The following URAD variants were observed in gnomAD, a reference collection of about 807,000 sequenced individuals.
URAD encodes the protein putative 2-oxo-4-hydroxy-4-carboxy-5-ureidoimidazoline decarboxylase.
In URAD, 4 loss-of-function variants were observed where a neutral mutation model predicts 4.6. The observed-to-expected ratio is 0.87, with a 90% confidence interval of 0.43 to 1.98. The LOEUF (loss-of-function observed/expected upper bound fraction) is 1.98. Among genes scored for constraint, URAD ranks in the 30% most tolerant of loss-of-function variants. The pLI is 0.03. For missense variants in URAD, 300 were observed against 255.3 expected, an observed-to-expected ratio of 1.18 and a Z score of -1.19; for synonymous variants, 144 against 118.2, an observed-to-expected ratio of 1.22 and a Z score of -1.41.
rs376297191 is a variant in URAD, at chr13:27,988,483, A to G, written c.155T>C (p.Ile52Thr). The G allele has an allele frequency of 2.9e-5, 46 of 1,612,212 alleles. No homozygotes were observed. The highest frequency in any genetic ancestry group is 2.0e-4 in the African/African-American group (15 of 74,876). ...EDLEKHFFAF[I>T]DALAQSGQEG... ...CTTACCTGACTGTGCAAGGGCATCA[A>G]TAAAGGCAAAAAAGTGCTTCTCTAA... The change falls in exon 1 of 2, where the codon ATT becomes ACT. Residue 52 changes from isoleucine (I) to threonine (T), a missense_variant. Transcript: ENST00000332715.
chr13:27,980,335 GA>G (rs1182770418), intron 1 of URAD, among the ~76,000 whole-genome samples: 1 of 152,196 alleles, frequency 6.6e-6, no homozygotes, highest in Non-Finnish European at 1.5e-5. Context: ...AGGGTAGTGC[GA>G]AAATGTGAGA....
rs775730546 is a variant in URAD, at chr13:27,978,261, C to G, written c.367G>C (p.Ala123Pro). The G allele has an allele frequency of 8.3e-6, 12 of 1,438,088 alleles. No individual in the cohort carries two copies. In the African/African-American group the frequency reaches 1.6e-4, roughly 20 times the overall value. The allele number at this position is 1,438,088 out of a possible 1,614,324, so 89.1% of individuals were successfully genotyped here. A position where few individuals can be genotyped will look rare whatever the true frequency, so the allele number is the denominator to read the frequency against. The change falls in exon 2 of 2, where the codon GCG becomes CCG. Residue 123 changes from alanine to proline, a missense_variant. Coordinates refer to ENST00000332715, the MANE Select transcript of URAD (RefSeq NM_001105577.2). Reference protein sequence around the residue: ...ARFGFPFVLAARFSDRTAVPR... With the variant: ...ARFGFPFVLAPRFSDRTAVPR... The stretch of plus-strand genomic sequence containing the variant: ...ACCGCCGTCCGGTCGCTGAAGCGCG[C>G]GGCGAGCACGAAGGGGAAACCGAAG...
chr13:27,983,989 G>A (rs1287575998), intron 1 of URAD, among the ~76,000 whole-genome samples: 1 of 152,136 alleles, frequency 6.6e-6, no homozygotes, highest in Non-Finnish European at 1.5e-5. Context: ...CAAAAATGTT[G>A]TTTAGTAAGC....
At chr13:27,988,260 T>C (rs1870094320) in intron 1 of URAD, among the ~76,000 whole-genome samples, 1 of 151,802 alleles carries the variant, frequency 6.6e-6, no homozygotes. Context: ...ACGCCCGGCC[T>C]AAAAGCAATT....
In URAD at chr13:27,977,771, A is replaced by T. The variant is rs1869752237; in HGVS notation, c.*335T>A. On this transcript the variant is annotated 3_prime_UTR_variant, in exon 2 of 2. Coordinates refer to ENST00000332715, the MANE Select transcript of URAD (RefSeq NM_001105577.2). ...TTTTGCTTTGCAGTTCGGGCTTAGC[A>T]GGAGAGGGTTGGGGAGAACTGGATA... 1 of 318,562 alleles carries T rather than the reference A, an allele frequency of 3.1e-6. No individual in the cohort carries two copies. The highest frequency in any genetic ancestry group is 5.2e-5 in the East Asian group (1 of 19,140). 19.7% of individuals were successfully genotyped at this position (318,562 alleles called of 1,614,324 possible).
chr13:27,977,740 CG>C lies in URAD; in HGVS notation c.*365del. The stretch of plus-strand genomic sequence containing the variant: ...GCTGTGGCATAAAAGATTCCTTTTC[CG>C]TCCGTTTTGCTTTGCAGTTCGGGCT... On this transcript the variant is annotated 3_prime_UTR_variant, in exon 2 of 2. Coordinates refer to ENST00000332715, the MANE Select transcript of URAD (RefSeq NM_001105577.2). 3.9e-6 allele frequency: 1 copy of C among 257,398 alleles called. No individual in the cohort carries two copies. Among genetic ancestry groups the C allele is most frequent in the East Asian group, 7.4e-5 (1 of 13,554 alleles). 15.9% of individuals were successfully genotyped at this position (257,398 alleles called of 1,614,324 possible). A position where few individuals can be genotyped will look rare whatever the true frequency, so the allele number is the denominator to read the frequency against.
intron 1 of URAD, 92 bp from the exon 2 acceptor site, chr13:27,978,544 C>A (rs1869787337): frequency 1.0e-6 from 1 of 975,260 alleles, no homozygotes; most frequent in Non-Finnish European, 1.3e-6. Context: ...CGCCCGGCCC[C>A]CCTGCCCCGC....
chr13:27,978,322 C>G lies in URAD; in HGVS notation c.306G>C (p.Leu102=), dbSNP rs2137553548. ...GLRSLGADER[L]RLAELNAQYR... ...ACTGCGCGTTGAGCTCGGCCAGCCG[C>G]AGCCGCTCGTCCGCGCCCAGGCTCC... The change falls in exon 2 of 2, where the codon CTG becomes CTC. Residue 102 remains leucine, a synonymous_variant. Coordinates refer to ENST00000332715, the MANE Select transcript of URAD (RefSeq NM_001105577.2). The G allele has an allele frequency of 7.2e-7, 1 of 1,395,086 alleles. No individual in the cohort carries two copies. Among genetic ancestry groups the G allele is most frequent in the Non-Finnish European group, 9.2e-7 (1 of 1,082,476 alleles). 86.4% of individuals were successfully genotyped at this position (1,395,086 alleles called of 1,614,324 possible).
At chr13:27,981,582 G>A (rs1869878659) in intron 1 of URAD, among the ~76,000 whole-genome samples, 1 of 152,116 alleles carries the variant, frequency 6.6e-6, no homozygotes, top group South Asian at 2.1e-4. Context: ...ATTGTTCTAT[G>A]GGAGAGGAAC....
intron 1 of URAD, among the ~76,000 whole-genome samples, chr13:27,983,226 CT>C (rs974359895): frequency 9.9e-5 from 15 of 151,256 alleles, no homozygotes; most frequent in African/African-American, 3.1e-4. Flanking sequence ...GGTTCCTTTG[CT>C]TTTTTTTTGT....
At chr13:27,981,152 A>C (rs1022108935) in intron 1 of URAD, among the ~76,000 whole-genome samples, 3 of 151,898 alleles carry the variant, frequency 2.0e-5, no homozygotes, top group Non-Finnish European at 4.4e-5. Flanking sequence ...CAGATATCCA[A>C]TCTTCATTGC....
rs1321183411 is a variant in URAD at position 27,978,376 on chromosome 13, C to A, written c.252G>T (p.Ser84=). The change falls in exon 2 of 2, where the codon TCG becomes TCT. Residue 84 remains serine, a synonymous_variant. Coordinates refer to ENST00000332715, the MANE Select transcript of URAD (RefSeq NM_001105577.2). ...GGCCTGCGCCGCTCTGTTCCCGCTGCGACTCGGCCGTGAGCGTGCCCCGCT... is the reference window on the plus strand; with the variant it reads ...GGCCTGCGCCGCTCTGTTCCCGCTGAGACTCGGCCGTGAGCGTGCCCCGCT... The part of the protein sequence containing the change: ...ELQRGTLTAE[S]QREQSGAGLR... 2.1e-6 allele frequency: 3 copies of A among 1,400,998 alleles called. No individual in the cohort carries two copies. Among genetic ancestry groups the A allele is most frequent in the Admixed American group, 3.2e-5 (1 of 31,186 alleles). The allele number at this position is 1,400,998 out of a possible 1,614,324, so 86.8% of individuals were successfully genotyped here. A position where few individuals can be genotyped will look rare whatever the true frequency, so the allele number is the denominator to read the frequency against.
chr13:27,987,530 A>G (rs900817777), intron 1 of URAD, among the ~76,000 whole-genome samples: 26 of 152,152 alleles, frequency 1.7e-4, no homozygotes, highest in Non-Finnish European at 5.9e-5. Context: ...TTGTGGTACA[A>G]AAGTCAGCCG....
chr13:27,982,950 G>A (rs1015493858), intron 1 of URAD, among the ~76,000 whole-genome samples: 2 of 152,132 alleles, frequency 1.3e-5, no homozygotes, highest in African/African-American at 4.8e-5. Flanking sequence ...GCCAACCACA[G>A]TCCAAGCAAC....
intron 1 of URAD, among the ~76,000 whole-genome samples, chr13:27,987,093 C>T (rs759873598): frequency 5.3e-5 from 8 of 152,198 alleles, no homozygotes; most frequent in Non-Finnish European, 1.2e-4. Flanking sequence ...ATTTTGGAGA[C>T]GTCTGTATGA....
intron 1 of URAD, among the ~76,000 whole-genome samples, chr13:27,979,052 C>G (rs1393035533): frequency 3.3e-5 from 5 of 152,134 alleles, no homozygotes; most frequent in Non-Finnish European, 5.9e-5. Context: ...TTTTGTGACC[C>G]TAAGTGTGAG....
At chr13:27,978,560 C>T (rs1331986134) in intron 1 of URAD, 108 bp from the exon 2 acceptor site, 32 of 841,070 alleles carry the variant, frequency 3.8e-5, no homozygotes, top group Non-Finnish European at 4.6e-5. Context: ...CCCGCCCCGC[C>T]CCGCCCGGCC....
intron 1 of URAD, among the ~76,000 whole-genome samples, chr13:27,985,134 C>T (rs1186931462): frequency 1.3e-5 from 2 of 152,024 alleles, no homozygotes; most frequent in African/African-American, 4.8e-5. Flanking sequence ...ACATATTTAT[C>T]ATTTTTTGGT....
In URAD at chr13:27,988,478, C is replaced by T; in HGVS notation, c.160G>A (p.Ala54Thr). The T allele has an allele frequency of 6.2e-7, 1 of 1,611,200 alleles. No homozygotes were observed. The highest frequency in any genetic ancestry group is 8.5e-7 in the Non-Finnish European group (1 of 1,178,534). The part of the protein sequence containing the change: ...LEKHFFAFID[A>T]LAQSGQEGIL... ...GAAGCCTTACCTGACTGTGCAAGGG[C>T]ATCAATAAAGGCAAAAAAGTGCTTC... The change falls in exon 1 of 2, where the codon GCC becomes ACC. Residue 54 changes from alanine to threonine, a missense_variant. Coordinates refer to ENST00000332715, the MANE Select transcript of URAD (RefSeq NM_001105577.2).
Sources: gnomAD v4.1 joint callset for allele counts (sites outside exome capture counted in the v4.1 genomes callset) on GRCh38, gnomAD v4.1.1 for gene constraint, MANE v1.5 for transcripts, NCBI Gene and HGNC (gene_info 2026-07-23, HGNC 2026-07-21) for gene names.